Variants in SENP2 observed in about 807,000 individuals in gnomAD.
SENP2 encodes sentrin-specific protease 2.
Under a neutral mutation model 86.3 loss-of-function variants are expected in SENP2, and 16 were observed. The ratio of observed to expected loss-of-function variants is 0.19; its 90% CI spans 0.13 to 0.28. SENP2 has a LOEUF of 0.28. SENP2 is among the 10% of genes least tolerant of loss of function. The pLI is 1.00. For synonymous variants in SENP2, 222 were observed against 238.7 expected, an observed-to-expected ratio of 0.93 and a Z score of 0.64; for missense variants, 552 against 703.0, an observed-to-expected ratio of 0.79 and a Z score of 2.43.
chr3:185,609,064 T>A, intron 6 of SENP2, 183 bp from the exon 7 acceptor site: 1 of 511,010 alleles, frequency 2.0e-6, no homozygotes, highest in South Asian at 2.7e-5. Context: ...ACATATAGAT[T>A]GTGGATTCAG....
At chr3:185,626,087 A>T (rs778916170) in intron 15 of SENP2, among the ~76,000 whole-genome samples, 1 of 152,202 alleles carries the variant, frequency 6.6e-6, no homozygotes, top group Non-Finnish European at 1.5e-5. Flanking sequence ...AGTTCTCACA[A>T]GGCCTGTTTT....
chr3:185,632,237 G>GTTTT lies in SENP2; in HGVS notation c.*2408_*2411dup, dbSNP rs71627028. ...GGTTTTTTTTTTGTTTTTTTTTTTTGTTTTTTTTTTTTTTTTTTGCGACAG... is the reference window on the plus strand; with the variant it reads ...GGTTTTTTTTTTGTTTTTTTTTTTTGTTTTTTTTTTTTTTTTTTTTTTGCGACAG... On this transcript the variant is annotated 3_prime_UTR_variant, in exon 17 of 17. Coordinates refer to ENST00000296257, the MANE Select transcript of SENP2 (RefSeq NM_021627.3). 15 of 63,452 alleles carry GTTTT rather than the reference G, an allele frequency of 2.4e-4. No homozygotes were observed. Among genetic ancestry groups the GTTTT allele is most frequent in the East Asian group, 1.3e-3 (4 of 3,140 alleles). The allele number at this position is 63,452 out of a possible 1,614,324, so 3.9% of individuals were successfully genotyped here.
Position 185,631,101 on chromosome 3 carries a change from AG to A in SENP2, c.*1258del, listed in dbSNP as rs1258989152. ...AAGGTGGTCTGGCAGAACCTAAAAA[AG>A]TATATGCTGAAATGATTTCTAACCC... On this transcript the variant is annotated 3_prime_UTR_variant, in exon 17 of 17. Coordinates refer to ENST00000296257, the MANE Select transcript of SENP2 (RefSeq NM_021627.3). 1 of 152,188 alleles carries A rather than the reference AG, an allele frequency of 6.6e-6. No individual in the cohort carries two copies. Among genetic ancestry groups the A allele is most frequent in the Non-Finnish European group, 1.5e-5 (1 of 68,046 alleles). 9.4% of individuals were successfully genotyped at this position (152,188 alleles called of 1,614,324 possible).
Position 185,630,111 on chromosome 3 carries a change from T to A in SENP2, c.*267T>A, listed in dbSNP as rs2148998025. 2.9e-6 allele frequency: 1 copy of A among 340,932 alleles called. No homozygotes were observed. The highest frequency in any genetic ancestry group is 5.5e-6 in the Non-Finnish European group (1 of 182,608). The allele number at this position is 340,932 out of a possible 1,614,324, so 21.1% of individuals were successfully genotyped here. Reference sequence around the variant, plus strand: ...AACAAACGCTAACTAATATTTTTTTTAAGAGATTCTTTTCCCTATGAATGT... The same window carrying A: ...AACAAACGCTAACTAATATTTTTTTAAAGAGATTCTTTTCCCTATGAATGT... On this transcript the variant is annotated 3_prime_UTR_variant, in exon 17 of 17. Transcript: ENST00000296257.
At position 185,588,859 on chromosome 3, in the gene SENP2, C is replaced by T. The variant is rs75369345; in HGVS notation, c.102-1255C>T. ...AATAAGGGAAAGCTAATTTCCTCTC[C>T]CTTGTCCTCTCCTTGATGTGAATCC... is the stretch of plus-strand genomic sequence containing the variant. On this transcript the variant is annotated intron_variant, in intron 1 of 16. Transcript: ENST00000296257. 1.2e-3 allele frequency among the ~76,000 whole-genome samples: 181 copies of T among 152,258 alleles called. 2 individuals are homozygous for T. The highest frequency in any genetic ancestry group is 1.9e-3 in the Non-Finnish European group (129 of 68,020).
At chr3:185,620,951 C>G (rs1194244580) in intron 13 of SENP2, among the ~76,000 whole-genome samples, 3 of 151,136 alleles carry the variant, frequency 2.0e-5, no homozygotes, top group Non-Finnish European at 4.4e-5. Flanking sequence ...CCAGCCTGGG[C>G]AACATGGAAA....
chr3:185,596,408 C>G (rs754681625), intron 2 of SENP2, among the ~76,000 whole-genome samples: 1 of 151,904 alleles, frequency 6.6e-6, no homozygotes, highest in Non-Finnish European at 1.5e-5. Flanking sequence ...TCACTTGAGC[C>G]CAGGAGTTCC....
chr3:185,586,545 G>A lies in SENP2; in HGVS notation c.101+31G>A. ...ACGAGAGGGGGCTGAGCGCCAGCCTGGCCTTACCCCCTCCCCCACAGCGGG... is the reference window on the plus strand; with the variant it reads ...ACGAGAGGGGGCTGAGCGCCAGCCTAGCCTTACCCCCTCCCCCACAGCGGG... On this transcript the variant is annotated intron_variant, in intron 1 of 16. Coordinates refer to ENST00000296257, the MANE Select transcript of SENP2 (RefSeq NM_021627.3). This position sits in a 1 kb window ranked among gnomAD's most constrained non-coding sequence, Gnocchi z 4.3. 1 of 1,589,094 alleles carries A rather than the reference G, an allele frequency of 6.3e-7. No individual in the cohort carries two copies. The highest frequency in any genetic ancestry group is 8.6e-7 in the Non-Finnish European group (1 of 1,162,766).
In SENP2 at chr3:185,612,664, T is replaced by C; in HGVS notation, c.869+6T>C. On this transcript the variant is annotated splice_donor_region_variant and intron_variant, in intron 9 of 16. Coordinates refer to ENST00000296257, the MANE Select transcript of SENP2 (RefSeq NM_021627.3). Reference sequence around the variant, plus strand: ...TCATTGAGAAGTGAAAAGAGGTACGTACATTCAGTTCATTCTACACTTTCT... The same window carrying C: ...TCATTGAGAAGTGAAAAGAGGTACGCACATTCAGTTCATTCTACACTTTCT... 1 of 1,589,576 alleles carries C rather than the reference T, an allele frequency of 6.3e-7. No homozygotes were observed. The highest frequency in any genetic ancestry group is 8.6e-7 in the Non-Finnish European group (1 of 1,158,132).
At chr3:185,618,374 C>G (rs1476660352) in intron 12 of SENP2, among the ~76,000 whole-genome samples, 2 of 152,160 alleles carry the variant, frequency 1.3e-5, no homozygotes, top group Non-Finnish European at 2.9e-5. Context: ...CAAAAGCTAA[C>G]TCTTAAGTTC....
intron 2 of SENP2, among the ~76,000 whole-genome samples, chr3:185,596,159 T>C (rs576459278): frequency 6.6e-6 from 1 of 152,180 alleles, no homozygotes; most frequent in Admixed American, 6.6e-5. Context: ...AGAGACGGTT[T>C]CGCCATGATG....
At position 185,621,834 on chromosome 3, in the gene SENP2, C is replaced by T; in HGVS notation, c.1455C>T (p.Asp485=). 1 of 1,597,566 alleles carries T rather than the reference C, an allele frequency of 6.3e-7. No homozygotes were observed. Among genetic ancestry groups the T allele is most frequent in the Non-Finnish European group, 8.6e-7 (1 of 1,166,256 alleles). ...ATCTTTTTCCATTATAGGTGATTGACCTAAGAAAAAAGTGTCTTAAATATC... is the reference window on the plus strand; with the variant it reads ...ATCTTTTTCCATTATAGGTGATTGATCTAAGAAAAAAGTGTCTTAAATATC... ...RKVHWSLVVI[D]LRKKCLKYLD... The change falls in exon 14 of 17, where the codon GAC becomes GAT. Residue 485 remains aspartate, a synonymous_variant. Transcript: ENST00000296257.
chr3:185,592,475 C>G (rs1722039576), intron 2 of SENP2, among the ~76,000 whole-genome samples: 1 of 152,168 alleles, frequency 6.6e-6, no homozygotes, highest in South Asian at 2.1e-4. Context: ...AAATTTGGGT[C>G]TACCTCCAGA....
chr3:185,587,732 A>ATTTTTTTTT (rs59565990), intron 1 of SENP2, among the ~76,000 whole-genome samples: 6,554 of 72,388 alleles, frequency 0.091, 968 homozygotes, highest in Middle Eastern at 0.13. Flanking sequence ...ATGCCCGGCT[A>ATTTTTTTTT]TTTTTTTTTT....
Position 185,630,869 on chromosome 3 carries a change from C to T in SENP2, c.*1025C>T, listed in dbSNP as rs945318282. 1.3e-5 allele frequency: 2 copies of T among 152,356 alleles called. No individual in the cohort carries two copies. Among genetic ancestry groups the T allele is most frequent in the African/African-American group, 4.8e-5 (2 of 41,448 alleles). 9.4% of individuals were successfully genotyped at this position (152,356 alleles called of 1,614,324 possible). A position where few individuals can be genotyped will look rare whatever the true frequency, so the allele number is the denominator to read the frequency against. On this transcript the variant is annotated 3_prime_UTR_variant, in exon 17 of 17. Transcript: ENST00000296257. ...TAAGACTAACATCTCCCCACTCCAT[C>T]CCCACTGAAATTTGTGGAAGAAAAT... is the stretch of plus-strand genomic sequence containing the variant.
chr3:185,621,981 G>T, intron 14 of SENP2, 76 bp downstream of exon 14: 3 of 915,090 alleles, frequency 3.3e-6, no homozygotes, highest in Non-Finnish European at 5.3e-6. Flanking sequence ...AAGCTGTGTG[G>T]ATGGTAGTCT....
In SENP2 at chr3:185,626,382, A is replaced by T. The variant is rs1712145597; in HGVS notation, c.1696A>T (p.Thr566Ser). 1 of 1,605,130 alleles carries T rather than the reference A, an allele frequency of 6.2e-7. No individual in the cohort carries two copies. The highest frequency in any genetic ancestry group is 1.7e-5 in the Admixed American group (1 of 59,918). The change falls in exon 16 of 17, where the codon ACA becomes TCA. Residue 566 changes from threonine (T) to serine (S), a missense_variant. Physicochemically the swap from Thr to Ser is moderately conservative, Grantham distance 58. Coordinates refer to ENST00000296257, the MANE Select transcript of SENP2 (RefSeq NM_021627.3). Reference sequence around the variant, plus strand: ...TTATATTTCTAGGGACAAACCTATCACATTTACTCAGGTGAGTGAAGACCC... The same window carrying T: ...TTATATTTCTAGGGACAAACCTATCTCATTTACTCAGGTGAGTGAAGACCC... ...ADYISRDKPI[T>S]FTQHQMPLFR... is the part of the protein sequence containing the mutation.
intron 12 of SENP2, 110 bp downstream of exon 12, chr3:185,617,721 T>A: frequency 1.1e-6 from 1 of 872,464 alleles, no homozygotes; most frequent in Non-Finnish European, 1.7e-6. Context: ...CAACTCTTAG[T>A]TATAATTAAA....
intron 9 of SENP2, 61 bp from the exon 10 acceptor site, chr3:185,613,284 A>C: frequency 1.1e-6 from 1 of 924,642 alleles, no homozygotes; most frequent in Non-Finnish European, 1.7e-6. Flanking sequence ...TTCTAAAACT[A>C]GGATGTACTA....
Sources: gnomAD v4.1 joint callset for allele counts (sites outside exome capture counted in the v4.1 genomes callset) on GRCh38, gnomAD v4.1.1 for gene constraint, Gnocchi (gnomAD v3.1) non-coding constraint, MANE v1.5 for transcripts, NCBI Gene and HGNC (gene_info 2026-07-23, HGNC 2026-07-21) for gene names.